Variants in GPR62 observed in about 807,000 individuals in gnomAD.
GPR62 encodes the protein G protein-coupled receptor 62.
For synonymous variants in GPR62, 280 were observed against 286.9 expected (o/e 0.98, Z 0.24); for missense variants, 513 against 541.5 (o/e 0.95, Z 0.52).
In GPR62 at chr3:51,955,699, T is replaced by A. The variant is rs773508523; in HGVS notation, c.47T>A (p.Leu16Ter). Residue 16 changes from leucine to a stop codon, truncating the protein, a stop_gained, in exon 1 of 1, where the codon TTG (leucine) becomes TAG (stop). Coordinates refer to ENST00000322241, the MANE Select transcript of GPR62 (RefSeq NM_080865.4). LOFTEE classifies it high-confidence loss of function. ...GLNASEVAGSLGLILAAVVEV... is the reference protein window; with the variant it reads ...GLNASEVAGS Reference sequence around the variant, plus strand: ...AACGCCTCAGAAGTCGCAGGCTCGTTGGGGTTGATCCTGGCAGCTGTCGTG... The same window carrying A: ...AACGCCTCAGAAGTCGCAGGCTCGTAGGGGTTGATCCTGGCAGCTGTCGTG... The A allele has an allele frequency of 9.9e-6, 16 of 1,609,508 alleles. 1 individual carries two copies. The South Asian group carries it at 1.8e-4, about 18-fold the overall frequency.
rs944342779 is a variant in GPR62 at position 51,957,378 on chromosome 3, C to T, written c.*619C>T. ...CCTAATTGAGGTTGGTGGATTCACA[C>T]ATGGGGGTCCTCCAGGACCTCAGCT... On this transcript the variant is annotated 3_prime_UTR_variant, in exon 1 of 1. Transcript: ENST00000322241. The T allele has an allele frequency of 6.0e-6, 1 of 167,410 alleles. No homozygotes were observed. Among genetic ancestry groups the T allele is most frequent in the African/African-American group, 2.4e-5 (1 of 41,488 alleles). 10.4% of individuals were successfully genotyped at this position (167,410 alleles called of 1,614,324 possible).
chr3:51,955,907 C>T lies in GPR62; in HGVS notation c.255C>T (p.Pro85=). 9.1e-6 allele frequency: 12 copies of T among 1,316,190 alleles called. No homozygotes were observed. Among genetic ancestry groups the T allele is most frequent in the Non-Finnish European group, 1.2e-5 (12 of 1,038,712 alleles). The allele number at this position is 1,316,190 out of a possible 1,614,324, so 81.5% of individuals were successfully genotyped here. A position where few individuals can be genotyped will look rare whatever the true frequency, so the allele number is the denominator to read the frequency against. Residue 85 remains proline, a synonymous_variant, in exon 1 of 1, where the codon CCC becomes CCT. Coordinates refer to ENST00000322241, the MANE Select transcript of GPR62 (RefSeq NM_080865.4). ...GGCTGGGCCGCGTGCGCCTGGGCCC[C>T]GCGCCATGCCGCGCCGCTCGCTTCC... ...PPGLGRVRLG[P]APCRAARFLS...
chr3:51,955,846 T>G lies in GPR62; in HGVS notation c.194T>G (p.Ile65Ser). ...GTGGACCTGCTGGCGGCCGCCTCCA[T>G]CATGCCGCTGGGCCTGCTGGCCGCA... is the stretch of plus-strand genomic sequence containing the variant. ...CVVDLLAAASIMPLGLLAAPP... is the reference protein window; with the variant it reads ...CVVDLLAAASSMPLGLLAAPP... Residue 65 changes from isoleucine to serine, a missense_variant, in exon 1 of 1, where the codon ATC becomes AGC. Transcript: ENST00000322241. The G allele has an allele frequency of 6.6e-7, 1 of 1,508,050 alleles. No homozygotes were observed. The highest frequency in any genetic ancestry group is 8.8e-7 in the Non-Finnish European group (1 of 1,134,390). The allele number at this position is 1,508,050 out of a possible 1,614,324, so 93.4% of individuals were successfully genotyped here.
Position 51,956,124 on chromosome 3 carries a change from G to A in GPR62, c.472G>A (p.Ala158Thr), listed in dbSNP as rs746114270. The change falls in exon 1 of 1, where the codon GCT (alanine) becomes ACT (threonine). Residue 158 changes from alanine to threonine, a missense_variant. Ala to Thr is a moderately conservative substitution (Grantham distance 58, BLOSUM62 0). Coordinates refer to ENST00000322241, the MANE Select transcript of GPR62 (RefSeq NM_080865.4). Reference protein sequence around the residue: ...LLGTPPAPPPAPARCSVLAGG... With the variant: ...LLGTPPAPPPTPARCSVLAGG... The stretch of plus-strand genomic sequence containing the variant: ...CGGCACGCCGCCCGCACCGCCCCCT[G>A]CTCCTGCTCGCTGCTCGGTCCTGGC... 5.5e-6 allele frequency: 8 copies of A among 1,458,624 alleles called. No individual in the cohort carries two copies. The highest frequency in any genetic ancestry group is 7.2e-6 in the Non-Finnish European group (8 of 1,112,420). 90.4% of individuals were successfully genotyped at this position (1,458,624 alleles called of 1,614,324 possible).
chr3:51,956,967 C>G lies in GPR62; in HGVS notation c.*208C>G, dbSNP rs776131371. 7.4e-6 allele frequency: 6 copies of G among 812,236 alleles called. No homozygotes were observed. The highest frequency in any genetic ancestry group is 1.1e-5 in the Non-Finnish European group (6 of 557,378). 50.3% of individuals were successfully genotyped at this position (812,236 alleles called of 1,614,324 possible). On this transcript the variant is annotated 3_prime_UTR_variant, in exon 1 of 1. Coordinates refer to ENST00000322241, the MANE Select transcript of GPR62 (RefSeq NM_080865.4). ...TGCATAGGCCGACCCTTCCTTAGGC[C>G]TCAGCTTTCCCATCTGCACCCTGCA...
In GPR62 at chr3:51,955,748, C is replaced by G; in HGVS notation, c.96C>G (p.Asn32Lys). 6.2e-7 allele frequency: 1 copy of G among 1,605,424 alleles called. No individual in the cohort carries two copies. Among genetic ancestry groups the G allele is most frequent in the East Asian group, 2.3e-5 (1 of 44,286 alleles). The change falls in exon 1 of 1, where the codon AAC becomes AAG. Residue 32 changes from asparagine (N) to lysine (K), a missense_variant. By Grantham distance (94) the Asn-to-Lys change is moderately conservative. Coordinates refer to ENST00000322241, the MANE Select transcript of GPR62 (RefSeq NM_080865.4). Reference sequence around the variant, plus strand: ...TGGAGGTGGGGGCACTGCTGGGCAACGGCGCGCTGCTGGTCGTGGTGCTGC... The same window carrying G: ...TGGAGGTGGGGGCACTGCTGGGCAAGGGCGCGCTGCTGGTCGTGGTGCTGC... ...AVVEVGALLGNGALLVVVLRT... is the reference protein window; with the variant it reads ...AVVEVGALLGKGALLVVVLRT...
Position 51,956,492 on chromosome 3 carries a change from C to A in GPR62, c.840C>A (p.Tyr280Ter). ...AAGCGGCTGTCACCTGGGTCGCCTA[C>A]TCGGCCTTCGCGGCTCACCCCTTCC... is the stretch of plus-strand genomic sequence containing the variant. ...EAEAAVTWVA[Y>*]SAFAAHPFLY... The change falls in exon 1 of 1, where the codon TAC becomes TAA. Residue 280 changes from tyrosine (Y) to a stop codon, truncating the protein, a stop_gained. Transcript: ENST00000322241. LOFTEE classifies it low-confidence loss of function (END_TRUNC). 6.3e-7 allele frequency: 1 copy of A among 1,583,768 alleles called. No homozygotes were observed. The highest frequency in any genetic ancestry group is 8.6e-7 in the Non-Finnish European group (1 of 1,167,974).
In GPR62 at chr3:51,956,494, C is replaced by T. The variant is rs897359999; in HGVS notation, c.842C>T (p.Ser281Leu). The T allele has an allele frequency of 8.2e-6, 13 of 1,585,108 alleles. No homozygotes were observed. Among genetic ancestry groups the T allele is most frequent in the Non-Finnish European group, 1.0e-5 (12 of 1,168,708 alleles). ...GCGGCTGTCACCTGGGTCGCCTACT[C>T]GGCCTTCGCGGCTCACCCCTTCCTG... ...AEAAVTWVAY[S>L]AFAAHPFLYG... The change falls in exon 1 of 1, where the codon TCG becomes TTG. Residue 281 changes from serine to leucine, a missense_variant. Physicochemically the swap from Ser to Leu is moderately radical, Grantham distance 145. Coordinates refer to ENST00000322241, the MANE Select transcript of GPR62 (RefSeq NM_080865.4).
Position 51,956,173 on chromosome 3 carries a change from C to G in GPR62, c.521C>G (p.Pro174Arg). ...VLAGGLGPFR[P>R]LWALLAFALP... is the part of the protein sequence containing the mutation. Reference sequence around the variant, plus strand: ...GCTGGGGGCCTCGGGCCCTTCCGGCCGCTCTGGGCCCTGCTGGCCTTCGCG... The same window carrying G: ...GCTGGGGGCCTCGGGCCCTTCCGGCGGCTCTGGGCCCTGCTGGCCTTCGCG... Residue 174 changes from proline to arginine, a missense_variant, in exon 1 of 1, where the codon CCG (proline) becomes CGG (arginine). Coordinates refer to ENST00000322241, the MANE Select transcript of GPR62 (RefSeq NM_080865.4). 4.7e-6 allele frequency: 7 copies of G among 1,482,306 alleles called. No individual in the cohort carries two copies. Among genetic ancestry groups the G allele is most frequent in the Non-Finnish European group, 6.2e-6 (7 of 1,126,510 alleles). 91.8% of individuals were successfully genotyped at this position (1,482,306 alleles called of 1,614,324 possible). A position where few individuals can be genotyped will look rare whatever the true frequency, so the allele number is the denominator to read the frequency against.
In GPR62 at chr3:51,956,571, C is replaced by A. The variant is rs532559314; in HGVS notation, c.919C>A (p.Arg307Ser). Reference protein sequence around the residue: ...VRLALGRLSRRALPGPVRACT... With the variant: ...VRLALGRLSRSALPGPVRACT... ...CTTGGCACTGGGCCGCCTCTCTCGC[C>A]GTGCACTGCCTGGACCTGTGCGGGC... Residue 307 changes from arginine (R) to serine (S), a missense_variant, in exon 1 of 1, where the codon CGT becomes AGT. Arg to Ser is a moderately radical substitution (Grantham distance 110). Transcript: ENST00000322241. 6.2e-7 allele frequency: 1 copy of A among 1,611,476 alleles called. No individual in the cohort carries two copies. Among genetic ancestry groups the A allele is most frequent in the African/African-American group, 1.3e-5 (1 of 75,058 alleles).
In GPR62 at chr3:51,955,905, CCCGCGCCATG is replaced by C; in HGVS notation, c.261_270del (p.Cys88LeufsTer114). 7.5e-7 allele frequency: 1 copy of C among 1,326,238 alleles called. No homozygotes were observed. Among genetic ancestry groups the C allele is most frequent in the Non-Finnish European group, 9.6e-7 (1 of 1,044,924 alleles). 82.2% of individuals were successfully genotyped at this position (1,326,238 alleles called of 1,614,324 possible). On this transcript the variant is annotated frameshift_variant, in exon 1 of 1. Transcript: ENST00000322241. LOFTEE classifies it low-confidence loss of function (END_TRUNC). ...CGGGCTGGGCCGCGTGCGCCTGGGCCCCGCGCCATGCCGCGCCGCTCGCTTCCTCTCCGCC... is the reference window on the plus strand; with the variant it reads ...CGGGCTGGGCCGCGTGCGCCTGGGCCCCGCGCCGCTCGCTTCCTCTCCGCC...
In GPR62 at chr3:51,956,745, A is replaced by G. The variant is rs745822805; in HGVS notation, c.1093A>G (p.Ser365Gly). Residue 365 changes from serine (S) to glycine (G), a missense_variant, in exon 1 of 1, where the codon AGT becomes GGT. Physicochemically the swap from Ser to Gly is moderately conservative, Grantham distance 56. Coordinates refer to ENST00000322241, the MANE Select transcript of GPR62 (RefSeq NM_080865.4). Reference sequence around the variant, plus strand: ...CCCCGCATACCAGGGGCCACCTGAGAGTTCTCTCTCCTGAGCAGGAGAAAG... The same window carrying G: ...CCCCGCATACCAGGGGCCACCTGAGGGTTCTCTCTCCTGAGCAGGAGAAAG... Reference protein sequence around the residue: ...RSPAYQGPPESSLS With the variant: ...RSPAYQGPPEGSLS The G allele has an allele frequency of 1.9e-6, 3 of 1,607,902 alleles. No individual in the cohort carries two copies. The highest frequency in any genetic ancestry group is 2.2e-5 in the South Asian group (2 of 90,582).
chr3:51,955,901 G>T lies in GPR62; in HGVS notation c.249G>T (p.Leu83=). 1 of 1,328,162 alleles carries T rather than the reference G, an allele frequency of 7.5e-7. No homozygotes were observed. The highest frequency in any genetic ancestry group is 2.0e-5 in the South Asian group (1 of 50,838). The allele number at this position is 1,328,162 out of a possible 1,614,324, so 82.3% of individuals were successfully genotyped here. Residue 83 remains leucine (L), a synonymous_variant, in exon 1 of 1, where the codon CTG becomes CTT. Coordinates refer to ENST00000322241, the MANE Select transcript of GPR62 (RefSeq NM_080865.4). ...APPPGLGRVR[L]GPAPCRAARF... is the part of the protein sequence containing the mutation. ...CGCCCGGGCTGGGCCGCGTGCGCCT[G>T]GGCCCCGCGCCATGCCGCGCCGCTC... is the stretch of plus-strand genomic sequence containing the variant.
At position 51,955,484 on chromosome 3, in the gene GPR62, C is replaced by G. The variant is rs1242213633; in HGVS notation, c.-169C>G. ...CCCTCCATGGGCCTGGCCAAGCCCC[C>G]AAGAGGATGGCAGCCTGGGCGTCGG... On this transcript the variant is annotated 5_prime_UTR_variant, in exon 1 of 1. Coordinates refer to ENST00000322241, the MANE Select transcript of GPR62 (RefSeq NM_080865.4). 3 of 591,482 alleles carry G rather than the reference C, an allele frequency of 5.1e-6. No individual in the cohort carries two copies. The East Asian group carries it at 1.0e-4, about 20-fold the overall frequency. The allele number at this position is 591,482 out of a possible 1,614,324, so 36.6% of individuals were successfully genotyped here. A position where few individuals can be genotyped will look rare whatever the true frequency, so the allele number is the denominator to read the frequency against.
Position 51,956,134 on chromosome 3 carries a change from G to A in GPR62, c.482G>A (p.Arg161His), listed in dbSNP as rs1207176562. 6.8e-7 allele frequency: 1 copy of A among 1,463,276 alleles called. No homozygotes were observed. The highest frequency in any genetic ancestry group is 1.3e-5 in the South Asian group (1 of 76,650). 90.6% of individuals were successfully genotyped at this position (1,463,276 alleles called of 1,614,324 possible). A position where few individuals can be genotyped will look rare whatever the true frequency, so the allele number is the denominator to read the frequency against. ...CCCGCACCGCCCCCTGCTCCTGCTC[G>A]CTGCTCGGTCCTGGCTGGGGGCCTC... Reference protein sequence around the residue: ...TPPAPPPAPARCSVLAGGLGP... With the variant: ...TPPAPPPAPAHCSVLAGGLGP... The change falls in exon 1 of 1, where the codon CGC becomes CAC. Residue 161 changes from arginine (R) to histidine (H), a missense_variant. By Grantham distance (29) the Arg-to-His change is conservative. Transcript: ENST00000322241.
chr3:51,956,281 C>T lies in GPR62; in HGVS notation c.629C>T (p.Ala210Val), dbSNP rs770305151. The T allele has an allele frequency of 1.3e-6, 2 of 1,564,396 alleles. No individual in the cohort carries two copies. Among genetic ancestry groups the T allele is most frequent in the African/African-American group, 1.4e-5 (1 of 71,022 alleles). The change falls in exon 1 of 1, where the codon GCG becomes GTG. Residue 210 changes from alanine to valine, a missense_variant. By Grantham distance (64) the Ala-to-Val change is moderately conservative. Transcript: ENST00000322241. ...GCTGCCCTGAGGCCCCCACGGCCGG[C>T]GCGCGGGTCCCGACTCCACTCGGAC... ...RRAALRPPRPARGSRLHSDSL... is the reference protein window; with the variant it reads ...RRAALRPPRPVRGSRLHSDSL...
Position 51,956,555 on chromosome 3 carries a change from G to C in GPR62, c.903G>C (p.Leu301=). 3 of 1,609,912 alleles carry C rather than the reference G, an allele frequency of 1.9e-6. No individual in the cohort carries two copies. Among genetic ancestry groups the C allele is most frequent in the Non-Finnish European group, 2.5e-6 (3 of 1,178,968 alleles). ...GLLQRPVRLA[L]GRLSRRALPG... is the part of the protein sequence containing the mutation. ...TGCAGCGCCCCGTGCGCTTGGCACT[G>C]GGCCGCCTCTCTCGCCGTGCACTGC... Residue 301 remains leucine, a synonymous_variant, in exon 1 of 1, where the codon CTG becomes CTC. Transcript: ENST00000322241.
chr3:51,956,713 G>A lies in GPR62; in HGVS notation c.1061G>A (p.Gly354Glu), dbSNP rs375442322. ...GAACAGACCCCCGAGTTGGCAGGAG[G>A]GCGGAGCCCCGCATACCAGGGGCCA... ...APEQTPELAG[G>E]RSPAYQGPPE... The change falls in exon 1 of 1, where the codon GGG becomes GAG. Residue 354 changes from glycine to glutamate, a missense_variant. By Grantham distance (98) the Gly-to-Glu change is moderately conservative (BLOSUM62 -2). Transcript: ENST00000322241. The A allele has an allele frequency of 3.1e-6, 5 of 1,611,844 alleles. No individual in the cohort carries two copies. Among genetic ancestry groups the A allele is most frequent in the Non-Finnish European group, 4.2e-6 (5 of 1,179,542 alleles).
chr3:51,955,572 G>T lies in GPR62; in HGVS notation c.-81G>T. On this transcript the variant is annotated 5_prime_UTR_variant, in exon 1 of 1. It adds an upstream start codon to the 5' untranslated region. Coordinates refer to ENST00000322241, the MANE Select transcript of GPR62 (RefSeq NM_080865.4). ...AGGAGCAAGGGACAAGAGGAGCAGAGGACAGGTGATGGAAATCCTGCAGCT... is the reference window on the plus strand; with the variant it reads ...AGGAGCAAGGGACAAGAGGAGCAGATGACAGGTGATGGAAATCCTGCAGCT... 1 of 1,224,228 alleles carries T rather than the reference G, an allele frequency of 8.2e-7. No homozygotes were observed. The highest frequency in any genetic ancestry group is 1.5e-5 in the South Asian group (1 of 65,606). The allele number at this position is 1,224,228 out of a possible 1,614,324, so 75.8% of individuals were successfully genotyped here. A position where few individuals can be genotyped will look rare whatever the true frequency, so the allele number is the denominator to read the frequency against.
Sources: allele counts gnomAD v4.1 joint callset, GRCh38; gene constraint gnomAD v4.1.1; transcripts MANE v1.5; gene names NCBI Gene and HGNC (gene_info 2026-07-23, HGNC 2026-07-21).